Variants in ZNF804B observed in about 807,000 individuals in gnomAD.
The protein encoded by ZNF804B is zinc finger protein 804B, also known as zinc finger 804B.
Under a neutral mutation model 101.4 loss-of-function variants are expected in ZNF804B, and 80 were observed. The observed-to-expected ratio is 0.79, with a 90% CI of 0.66 to 0.95. The LOEUF (loss-of-function observed/expected upper bound fraction) is 0.95. Among genes scored for constraint, ZNF804B ranks in the 40% least tolerant of loss-of-function variants. The pLI is 0.00. For synonymous variants in ZNF804B, 622 were observed against 558.8 expected (o/e 1.11, Z -1.59); for missense variants, 1,673 against 1,561.9 (o/e 1.07, Z -1.20).
At chr7:89,026,504 T>C (rs1788754177) in intron 1 of ZNF804B, among the ~76,000 whole-genome samples, 1 of 152,156 alleles carries the variant, frequency 6.6e-6, no homozygotes, top group African/African-American at 2.4e-5. Context: ...AAAGGCCACA[T>C]TAGATGCAGG....
At chr7:89,174,780 A>G (rs999708212) in intron 1 of ZNF804B, among the ~76,000 whole-genome samples, 13 of 151,952 alleles carry the variant, frequency 8.6e-5, no homozygotes, top group Non-Finnish European at 1.6e-4. Context: ...TTTTGTATAA[A>G]AAACACATAA....
chr7:89,034,236 A>G (rs544221442), intron 1 of ZNF804B, among the ~76,000 whole-genome samples: 26 of 152,182 alleles, frequency 1.7e-4, no homozygotes, highest in African/African-American at 6.3e-4. Flanking sequence ...TAGAAAGAAG[A>G]CTTTTTTTGA....
At chr7:89,146,965 G>C (rs11973749) in intron 1 of ZNF804B, among the ~76,000 whole-genome samples, 62,138 of 151,060 alleles carry the variant, frequency 0.41, 12,842 homozygotes, top group Middle Eastern at 0.53. Flanking sequence ...GGGAAGTGCG[G>C]GTTGCATGAG....
At chr7:89,307,018 C>T (rs1327692735) in intron 2 of ZNF804B, among the ~76,000 whole-genome samples, 2 of 151,998 alleles carry the variant, frequency 1.3e-5, no homozygotes, top group East Asian at 3.9e-4. Context: ...CATCTGTTTA[C>T]ACTCCCAAGA....
chr7:88,967,119 A>G (rs888249858), intron 1 of ZNF804B, among the ~76,000 whole-genome samples: 2 of 151,540 alleles, frequency 1.3e-5, no homozygotes, highest in African/African-American at 4.8e-5. Context: ...TGATAGTATA[A>G]AAGGAAAGAT....
rs575099537 is a variant in ZNF804B, at chr7:88,792,356, A to G, written c.108+32272A>G. On this transcript the variant is annotated intron_variant, in intron 1 of 3. Coordinates refer to ENST00000333190, the MANE Select transcript of ZNF804B (RefSeq NM_181646.5). ...TCTGATTTATAAATATATAATTTTT[A>G]TCCAAAATTCAAACTTCTATTCACT... 1.6e-4 allele frequency among the ~76,000 whole-genome samples: 24 copies of G among 152,252 alleles called. No individual in the cohort carries two copies. In the South Asian group the frequency reaches 4.3e-3, roughly 28 times the overall value.
chr7:88,890,070 A>G (rs891960034), intron 1 of ZNF804B, among the ~76,000 whole-genome samples: 2 of 152,162 alleles, frequency 1.3e-5, no homozygotes, highest in Non-Finnish European at 2.9e-5. Context: ...TATATTGACA[A>G]TAAGTTATTT....
intron 1 of ZNF804B, among the ~76,000 whole-genome samples, chr7:89,216,905 T>A (rs1027120368): frequency 6.6e-5 from 10 of 152,354 alleles, no homozygotes; most frequent in Non-Finnish European, 1.2e-4. Flanking sequence ...TATACATATT[T>A]ACTTGGTATT....
At chr7:88,866,025 TG>T (rs1388750797) in intron 1 of ZNF804B, among the ~76,000 whole-genome samples, 1 of 152,232 alleles carries the variant, frequency 6.6e-6, no homozygotes, top group Non-Finnish European at 1.5e-5. Context: ...TATTGATTTT[TG>T]GTTCAATGTC....
intron 1 of ZNF804B, among the ~76,000 whole-genome samples, chr7:88,783,418 G>A (rs1006633668): frequency 6.6e-6 from 1 of 152,084 alleles, no homozygotes; most frequent in African/African-American, 2.4e-5. Flanking sequence ...ATCTCTACAT[G>A]CTTCATTTTC....
intron 1 of ZNF804B, among the ~76,000 whole-genome samples, chr7:88,820,964 A>G (rs1267950834): frequency 6.6e-6 from 1 of 152,108 alleles, no homozygotes; most frequent in Non-Finnish European, 1.5e-5. Context: ...TGGTGCTGCT[A>G]CAATTAATAG....
intron 1 of ZNF804B, among the ~76,000 whole-genome samples, chr7:89,201,897 C>G (rs1788645442): frequency 6.6e-6 from 1 of 152,020 alleles, no homozygotes; most frequent in East Asian, 1.9e-4. Context: ...CTTAATGAGG[C>G]TTATTCTGCT....
At chr7:89,045,081 G>A (rs1789084539) in intron 1 of ZNF804B, among the ~76,000 whole-genome samples, 1 of 152,180 alleles carries the variant, frequency 6.6e-6, no homozygotes, top group Admixed American at 6.5e-5. Context: ...TGTCCCAGCT[G>A]ATTCAGCTCC....
At chr7:89,122,839 C>G (rs1422244185) in intron 1 of ZNF804B, among the ~76,000 whole-genome samples, 1 of 152,160 alleles carries the variant, frequency 6.6e-6, no homozygotes, top group Admixed American at 6.5e-5. Flanking sequence ...TTTATTTTCT[C>G]TGTCTAGTCA....
At chr7:88,860,311 A>G (rs1009677013) in intron 1 of ZNF804B, among the ~76,000 whole-genome samples, 2 of 152,062 alleles carry the variant, frequency 1.3e-5, no homozygotes, top group African/African-American at 4.8e-5. Flanking sequence ...CAGATTTAAT[A>G]TTTTAATTTT....
chr7:89,271,420 C>T (rs1353954963), intron 2 of ZNF804B, among the ~76,000 whole-genome samples: 1 of 152,180 alleles, frequency 6.6e-6, no homozygotes, highest in Non-Finnish European at 1.5e-5. Context: ...ATGAAGCCCA[C>T]TTGATCATGG....
chr7:89,155,992 C>T (rs1233510360), intron 1 of ZNF804B, among the ~76,000 whole-genome samples: 42 of 131,252 alleles, frequency 3.2e-4, no homozygotes, highest in Non-Finnish European at 5.7e-4. Flanking sequence ...CCTTCCTTTC[C>T]TTCTTTCTTT....
intron 1 of ZNF804B, among the ~76,000 whole-genome samples, chr7:89,178,778 G>C (rs181592113): frequency 2.6e-5 from 4 of 152,148 alleles, no homozygotes; most frequent in African/African-American, 9.6e-5. Context: ...GCATTTAAAA[G>C]ATTTCTTATT....
At position 89,334,971 on chromosome 7, in the gene ZNF804B, A is replaced by G. The variant is rs1474130306; in HGVS notation, c.1989A>G (p.Val663=). Reference sequence around the variant, plus strand: ...ACTGCAAGTCCAGTCCTTGTACAGTAGGGGGTCACAGTGACCATGGGAAAG... The same window carrying G: ...ACTGCAAGTCCAGTCCTTGTACAGTGGGGGGTCACAGTGACCATGGGAAAG... ...QFNCKSSPCT[V]GGHSDHGKDF... is the part of the protein sequence containing the mutation. The change falls in exon 4 of 4, where the codon GTA becomes GTG. Residue 663 remains valine, a synonymous_variant. Transcript: ENST00000333190. 13 of 1,613,810 alleles carry G rather than the reference A, an allele frequency of 8.1e-6. No homozygotes were observed. The highest frequency in any genetic ancestry group is 1.1e-5 in the Non-Finnish European group (13 of 1,179,914).
Sources: gnomAD v4.1 joint callset for allele counts (sites outside exome capture counted in the v4.1 genomes callset) on GRCh38, gnomAD v4.1.1 for gene constraint, MANE v1.5 for transcripts, NCBI Gene and HGNC (gene_info 2026-07-23, HGNC 2026-07-21) for gene names.